PTPRD: variants seen among roughly 807,000 people sequenced by gnomAD.
The protein encoded by PTPRD is protein tyrosine phosphatase receptor type D, also known as receptor-type tyrosine-protein phosphatase delta.
PTPRD carries 34 observed loss-of-function variants against 214.5 expected under a neutral mutation model. That is an observed-to-expected ratio of 0.16 (90% confidence interval 0.12 to 0.21). The LOEUF is 0.21. Ranked by LOEUF, PTPRD falls within the 10% of genes least tolerant of loss-of-function variation. PTPRD has a pLI of 1.00. For synonymous variants in PTPRD, 1,128 were observed against 845.7 expected, an observed-to-expected ratio of 1.33 and a Z score of -5.79; for missense variants, 2,545 against 2,398.7, an observed-to-expected ratio of 1.06 and a Z score of -1.27.
chr9:9,754,475 G>C (rs1385811315), intron 6 of PTPRD, among the ~76,000 whole-genome samples: 1 of 152,006 alleles, frequency 6.6e-6, no homozygotes, highest in Non-Finnish European at 1.5e-5. Flanking sequence ...CCATCTCTCT[G>C]CAAATGGTGA....
chr9:10,065,140 T>TAAGAAAGA (rs1567443905), intron 3 of PTPRD, among the ~76,000 whole-genome samples: 5 of 8,384 alleles, frequency 6.0e-4, no homozygotes, highest in African/African-American at 9.0e-4. Context: ...GTGACTTGGA[T>TAAGAAAGA]TAGAAAGAAA....
At chr9:10,212,897 T>G (rs1192271264) in intron 3 of PTPRD, among the ~76,000 whole-genome samples, 1 of 152,162 alleles carries the variant, frequency 6.6e-6, no homozygotes, top group East Asian at 1.9e-4. Context: ...CCGGCAGATG[T>G]GCATGACAGT....
chr9:9,112,797 C>T (rs2099807907), intron 10 of PTPRD, among the ~76,000 whole-genome samples: 2 of 152,158 alleles, frequency 1.3e-5, no homozygotes, highest in South Asian at 2.1e-4. Context: ...AATGAGATAA[C>T]ATAAAAGCAG....
At chr9:9,065,794 GTAGTTCTCTT>G (rs2099729308) in intron 10 of PTPRD, among the ~76,000 whole-genome samples, 1 of 152,120 alleles carries the variant, frequency 6.6e-6, no homozygotes, top group Admixed American at 6.5e-5. Flanking sequence ...AGTTTTTCCA[GTAGTTCTCTT>G]TAGTGGAATC....
At chr9:9,711,799 C>T (rs1456135271) in intron 7 of PTPRD, among the ~76,000 whole-genome samples, 4 of 152,124 alleles carry the variant, frequency 2.6e-5, no homozygotes, top group African/African-American at 9.7e-5. Flanking sequence ...AAAACTCTGC[C>T]TTTCAAACAG....
chr9:9,899,634 G>T (rs1156659543), intron 5 of PTPRD, among the ~76,000 whole-genome samples: 1 of 151,884 alleles, frequency 6.6e-6, no homozygotes, highest in Non-Finnish European at 1.5e-5. Context: ...ATGGAAAACA[G>T]TATGGAGGTT....
chr9:8,748,944 C>T (rs949494488), intron 11 of PTPRD, among the ~76,000 whole-genome samples: 5 of 152,066 alleles, frequency 3.3e-5, no homozygotes, highest in African/African-American at 1.2e-4. Context: ...CTAACTTGCA[C>T]TTTAGATTGG....
intron 5 of PTPRD, among the ~76,000 whole-genome samples, chr9:9,935,557 A>C (rs999496192): frequency 6.4e-4 from 98 of 152,118 alleles, no homozygotes; most frequent in Admixed American, 4.9e-3. Context: ...CTACAAACCA[A>C]TGCTCAAGGA....
At chr9:9,875,822 A>G (rs1446286626) in intron 5 of PTPRD, among the ~76,000 whole-genome samples, 1 of 152,174 alleles carries the variant, frequency 6.6e-6, no homozygotes, top group Non-Finnish European at 1.5e-5. Context: ...TGTGATAAAT[A>G]TTAATTTATG....
At chr9:10,242,622 T>C (rs2091312332) in intron 3 of PTPRD, among the ~76,000 whole-genome samples, 1 of 150,882 alleles carries the variant, frequency 6.6e-6, no homozygotes. Context: ...TTTTTTTTTT[T>C]GCATTTTTGA....
At chr9:8,938,404 C>A (rs1327608167) in intron 11 of PTPRD, among the ~76,000 whole-genome samples, 1 of 152,096 alleles carries the variant, frequency 6.6e-6, no homozygotes, top group Admixed American at 6.6e-5. Context: ...AGAGATGTGA[C>A]ATATAATCAC....
chr9:10,164,347 C>G (rs2099146285), intron 3 of PTPRD, among the ~76,000 whole-genome samples: 1 of 151,508 alleles, frequency 6.6e-6, no homozygotes, highest in Non-Finnish European at 1.5e-5. Context: ...TTTATTATTT[C>G]AGTAACTGAA....
intron 2 of PTPRD, among the ~76,000 whole-genome samples, chr9:10,455,420 A>G (rs947255482): frequency 6.6e-6 from 1 of 151,666 alleles, no homozygotes; most frequent in African/African-American, 2.4e-5. Flanking sequence ...AAAAACGTCT[A>G]GCTCTATATT....
intron 11 of PTPRD, among the ~76,000 whole-genome samples, chr9:8,976,481 G>T (rs1404281280): frequency 6.6e-6 from 1 of 152,140 alleles, no homozygotes; most frequent in East Asian, 1.9e-4. Context: ...AACTCTTCTA[G>T]TAAATAAAAT....
At chr9:9,451,664 A>G (rs1326751168) in intron 8 of PTPRD, among the ~76,000 whole-genome samples, 1 of 151,758 alleles carries the variant, frequency 6.6e-6, no homozygotes, top group African/African-American at 2.4e-5. Flanking sequence ...TTATATAAAA[A>G]TTAACAACCA....
rs1349599309 is a variant in PTPRD, at chr9:8,991,325, GC to G, written c.-104+27371del. ...AACTAGGATTAAATAAATTTGTTGT[GC>G]TTTTCTCTTGTTAACCTATCTTTTG... On this transcript the variant is annotated intron_variant, in intron 11 of 45. Coordinates refer to ENST00000381196, the MANE Select transcript of PTPRD (RefSeq NM_002839.4). Among the ~76,000 whole-genome samples, 6 of 151,848 alleles carry G rather than the reference GC, an allele frequency of 4.0e-5. No individual in the cohort carries two copies. The East Asian group carries it at 1.2e-3, about 29-fold the overall frequency.
chr9:8,925,329 G>C (rs929981566), intron 11 of PTPRD, among the ~76,000 whole-genome samples: 6 of 151,968 alleles, frequency 3.9e-5, no homozygotes, highest in African/African-American at 1.5e-4. Context: ...CCGAGGCAGG[G>C]GATGCAGGGG....
intron 5 of PTPRD, among the ~76,000 whole-genome samples, chr9:9,837,747 T>C (rs1158435724): frequency 2.0e-5 from 3 of 151,316 alleles, no homozygotes; most frequent in Non-Finnish European, 2.9e-5. Context: ...TTCTCTGTCC[T>C]TGCTGCATTT....
At chr9:9,431,650 A>T (rs1003175904) in intron 8 of PTPRD, among the ~76,000 whole-genome samples, 3 of 152,262 alleles carry the variant, frequency 2.0e-5, no homozygotes, top group African/African-American at 7.2e-5. Context: ...ACTTGGAAGC[A>T]ACCCAAATGT....
Sources: allele counts gnomAD v4.1 joint callset (sites outside exome capture counted in the v4.1 genomes callset), GRCh38; gene constraint gnomAD v4.1.1; transcripts MANE v1.5; gene names NCBI Gene and HGNC (gene_info 2026-07-23, HGNC 2026-07-21).